The following MROH2A variants were observed in gnomAD, a reference collection of about 807,000 sequenced individuals.
The protein encoded by MROH2A is maestro heat like repeat family member 2A.
A neutral mutation model predicts 200.4 loss-of-function variants in MROH2A; 174 were observed. That is an observed-to-expected ratio of 0.87 (90% CI 0.77 to 0.98). MROH2A has a LOEUF of 0.98. Among genes scored for constraint, MROH2A ranks in the 50% least tolerant of loss-of-function variants. The pLI is 0.00. For synonymous variants in MROH2A, 829 were observed against 840.4 expected, an observed-to-expected ratio of 0.99 and a Z score of 0.23; for missense variants, 2,045 against 2,139.6, an observed-to-expected ratio of 0.96 and a Z score of 0.87.
rs1014640085 is a variant in MROH2A at position 233,818,724 on chromosome 2, G to A, written c.3158G>A (p.Ser1053Asn). 1.9e-6 allele frequency: 3 copies of A among 1,549,968 alleles called. No individual in the cohort carries two copies. The highest frequency in any genetic ancestry group is 2.6e-6 in the Non-Finnish European group (3 of 1,146,576). ...GAGAAATGTAAGGGGGACCTCCAGAGCACAGATGTGGAGAAGATCTTCTGT... is the reference window on the plus strand; with the variant it reads ...GAGAAATGTAAGGGGGACCTCCAGAACACAGATGTGGAGAAGATCTTCTGT... ...ELEKCKGDLQ[S>N]TDVEKIFCAS... The change falls in exon 29 of 42, where the codon AGC becomes AAC. Residue 1053 changes from serine (S) to asparagine (N), a missense_variant. By Grantham distance (46) the Ser-to-Asn change is conservative (BLOSUM62 1). Around this residue, in one of 3 missense-constraint regions of MROH2A, gnomAD observed 1,201 missense variants for 1,311.3 expected, o/e 0.92. Coordinates refer to ENST00000389758, the MANE Select transcript of MROH2A (RefSeq NM_001394639.1).
chr2:233,821,138 A>G (rs1026907223), intron 31 of MROH2A, among the ~76,000 whole-genome samples: 14 of 152,200 alleles, frequency 9.2e-5, no homozygotes, highest in South Asian at 2.1e-4. Flanking sequence ...CACAATTTCC[A>G]TGGTTCAGGA....
At chr2:233,802,362 G>A in intron 15 of MROH2A, 47 bp downstream of exon 15, 1 of 1,513,594 alleles carries the variant, frequency 6.6e-7, no homozygotes, top group Non-Finnish European at 8.9e-7. Context: ...AGGTGGGCTG[G>A]CTCCTTGTCT....
intron 26 of MROH2A, among the ~76,000 whole-genome samples, chr2:233,815,514 A>G (rs1022484536): frequency 1.3e-5 from 2 of 152,058 alleles, no homozygotes; most frequent in Non-Finnish European, 2.9e-5. Flanking sequence ...GAAGTTTTGT[A>G]TTTTCAGATT....
intron 5 of MROH2A, among the ~76,000 whole-genome samples, chr2:233,790,651 TCCCCTC>T (rs1559442260): frequency 1.2e-3 from 1 of 848 alleles, no homozygotes; most frequent in Non-Finnish European, 1.9e-3. Flanking sequence ...TCCCCTCCCC[TCCCCTC>T]CCCTCCCTCC....
upstream of MROH2A, among the ~76,000 whole-genome samples, chr2:233,777,419 A>C (rs1276741345): frequency 6.6e-5 from 10 of 152,164 alleles, no homozygotes; most frequent in Non-Finnish European, 1.3e-4. Flanking sequence ...GGTAGTGCAG[A>C]GGGGCAGTCC....
In MROH2A at chr2:233,789,519, A is replaced by G; in HGVS notation, c.299A>G (p.Asn100Ser). The change falls in exon 4 of 42, where the codon AAC becomes AGC. Residue 100 changes from asparagine to serine, a missense_variant. Coordinates refer to ENST00000389758, the MANE Select transcript of MROH2A (RefSeq NM_001394639.1). ...VPEISTQRKV[N>S]IYNILQDIIQ... Reference sequence around the variant, plus strand: ...CAGATTTCCACCCAGCGCAAGGTCAACATTTACAACATCCTCCAGGACATC... The same window carrying G: ...CAGATTTCCACCCAGCGCAAGGTCAGCATTTACAACATCCTCCAGGACATC... 1.4e-6 allele frequency: 2 copies of G among 1,456,132 alleles called. No individual in the cohort carries two copies. Among genetic ancestry groups the G allele is most frequent in the Non-Finnish European group, 1.8e-6 (2 of 1,101,870 alleles). 90.2% of individuals were successfully genotyped at this position (1,456,132 alleles called of 1,614,324 possible). A position where few individuals can be genotyped will look rare whatever the true frequency, so the allele number is the denominator to read the frequency against.
intron 11 of MROH2A, among the ~76,000 whole-genome samples, chr2:233,797,698 G>A (rs1463234760): frequency 3.3e-5 from 5 of 151,934 alleles, no homozygotes. Context: ...TTTCATTCAG[G>A]GAAATTAGTA....
Position 233,807,732 on chromosome 2 carries a change from G to A in MROH2A, c.2173-1G>A, listed in dbSNP as rs543774813. ...CCCTGGCTGGCTGGGTCTCCCTGCA[G>A]GGTGTGATTATGTGCTTTGGCCTGT... On this transcript the variant is annotated splice_acceptor_variant, in intron 20 of 41. Coordinates refer to ENST00000389758, the MANE Select transcript of MROH2A (RefSeq NM_001394639.1). LOFTEE classifies it high-confidence loss of function. The surrounding 1 kb of genome is among the most constrained non-coding windows in gnomAD (Gnocchi z 4.3). 2.6e-6 allele frequency: 4 copies of A among 1,550,686 alleles called. No individual in the cohort carries two copies. Among genetic ancestry groups the A allele is most frequent in the East Asian group, 4.9e-5 (2 of 40,926 alleles).
rs1704817397 is a variant in MROH2A, at chr2:233,832,298, C to G, written c.4837+19C>G. The G allele has an allele frequency of 6.5e-7, 1 of 1,546,988 alleles. No homozygotes were observed. Among genetic ancestry groups the G allele is most frequent in the East Asian group, 2.4e-5 (1 of 40,928 alleles). On this transcript the variant is annotated intron_variant, in intron 40 of 41. Transcript: ENST00000389758. ...TTGGCAGGTGAGCAGAGAGACGTCT[C>G]CTGACTCAAGATAGACTTTGAAGGC...
intron 11 of MROH2A, among the ~76,000 whole-genome samples, 200 bp downstream of exon 11, chr2:233,796,513 C>G (rs932068341): frequency 6.6e-6 from 1 of 152,052 alleles, no homozygotes; most frequent in African/African-American, 2.4e-5. Context: ...CTCCCCACAC[C>G]CAACCCTCTG....
At chr2:233,789,464 A>G in intron 3 of MROH2A, 33 bp from the exon 4 acceptor site, 2 of 1,366,194 alleles carry the variant, frequency 1.5e-6, no homozygotes, top group Middle Eastern at 1.9e-4. Flanking sequence ...GGGCAGGGTG[A>G]GGTCCATTCC....
intron 35 of MROH2A, among the ~76,000 whole-genome samples, chr2:233,825,706 G>A (rs954945862): frequency 5.9e-5 from 9 of 152,142 alleles, no homozygotes; most frequent in African/African-American, 1.9e-4. Flanking sequence ...TATGCTGCTG[G>A]ATTCAGTTTG....
At chr2:233,792,109 C>G (rs113365774) in intron 5 of MROH2A, among the ~76,000 whole-genome samples, 3 of 152,170 alleles carry the variant, frequency 2.0e-5, no homozygotes, top group African/African-American at 7.2e-5. Flanking sequence ...TTGTGGGACC[C>G]CTGAAGGAGG....
chr2:233,818,182 C>A, intron 28 of MROH2A, 57 bp downstream of exon 28: 2 of 1,540,030 alleles, frequency 1.3e-6, no homozygotes, highest in South Asian at 2.4e-5. Flanking sequence ...AGGGCTGACT[C>A]CAGGAGTATG....
At chr2:233,787,048 T>G (rs1308497677) in intron 3 of MROH2A, among the ~76,000 whole-genome samples, 2 of 152,190 alleles carry the variant, frequency 1.3e-5, no homozygotes, top group Non-Finnish European at 2.9e-5. Context: ...AGATGCACAC[T>G]CTACAGAATC....
rs935763901 is a variant in MROH2A at position 233,807,167 on chromosome 2, GAACTGATATATGTATATATA to G, written c.2053-240_2053-221del. Among the ~76,000 whole-genome samples the G allele has an allele frequency of 2.0e-5, 3 of 150,872 alleles. No individual in the cohort carries two copies. The highest frequency in any genetic ancestry group is 7.4e-5 in the African/African-American group (3 of 40,778). On this transcript the variant is annotated intron_variant, in intron 19 of 41. Transcript: ENST00000389758. The surrounding 1 kb of genome is among the most constrained non-coding windows in gnomAD (Gnocchi z 4.3). Reference sequence around the variant, plus strand: ...ATTCCATTATATATATATATAATATGAACTGATATATGTATATATAAACTGATATATGTATGTATGTATAT... The same window carrying G: ...ATTCCATTATATATATATATAATATGAACTGATATATGTATGTATGTATAT...
rs147735868 is a variant in MROH2A at position 233,825,305 on chromosome 2, C to T, written c.4113+1641C>T. On this transcript the variant is annotated intron_variant, in intron 35 of 41. Transcript: ENST00000389758. ...TACTTCCTCCCTTCCTATTTGAATA[C>T]GCTTTATTTCTTTCTCTTGCCTGAT... Among the ~76,000 whole-genome samples the T allele has an allele frequency of 7.9e-3, 1,201 of 152,256 alleles. 17 individuals carry two copies. The highest frequency in any genetic ancestry group is 0.027 in the African/African-American group (1,134 of 41,532).
chr2:233,783,554 T>TTTAC (rs1291586250), intron 3 of MROH2A, among the ~76,000 whole-genome samples: 4 of 152,256 alleles, frequency 2.6e-5, no homozygotes, highest in Admixed American at 2.6e-4. Context: ...TATTTATTTA[T>TTTAC]TTATTTTGGT....
At chr2:233,785,189 A>G (rs916389429) in intron 3 of MROH2A, among the ~76,000 whole-genome samples, 1 of 151,960 alleles carries the variant, frequency 6.6e-6, no homozygotes, top group Admixed American at 6.6e-5. Context: ...AGCTATGATG[A>G]GACCAACAGC....
Sources: gnomAD v4.1 joint callset for allele counts (sites outside exome capture counted in the v4.1 genomes callset) on GRCh38, gnomAD v4.1.1 for gene constraint, gnomAD v4.1.1 regional missense constraint, Gnocchi (gnomAD v3.1) non-coding constraint, MANE v1.5 for transcripts, NCBI Gene and HGNC (gene_info 2026-07-23, HGNC 2026-07-21) for gene names.